The following WDR36 variants were observed in gnomAD, a reference collection of about 807,000 sequenced individuals.
WDR36 encodes WD repeat domain 36.
WDR36 carries 63 observed loss-of-function variants against 112.7 expected under a neutral mutation model. That is an observed-to-expected ratio of 0.56 (90% CI 0.46 to 0.69). The LOEUF (loss-of-function observed/expected upper bound fraction) is 0.69. Ranked by LOEUF, WDR36 falls within the 30% of genes least tolerant of loss-of-function variation. WDR36 has a pLI of 0.00. For synonymous variants in WDR36, 410 were observed against 362.2 expected (o/e 1.13, Z -1.50); for missense variants, 1,226 against 1,070.3 (o/e 1.15, Z -2.03).
intron 15 of WDR36, 39 bp from the exon 16 acceptor site, chr5:111,113,035 A>ATAT (rs1554109013): frequency 3.6e-4 from 126 of 352,668 alleles, no homozygotes; most frequent in African/African-American, 3.1e-3. Context: ...ATATATAAAT[A>ATAT]ATATATATAT....
chr5:111,111,999 A>T (rs1753350880), intron 15 of WDR36, among the ~76,000 whole-genome samples: 2 of 151,886 alleles, frequency 1.3e-5, no homozygotes, highest in African/African-American at 4.8e-5. Context: ...TCACACCAAA[A>T]ATCAGAATTT....
intron 11 of WDR36, 141 bp from the exon 12 acceptor site, chr5:111,107,153 A>G (rs973467827): frequency 2.2e-5 from 21 of 947,784 alleles, no homozygotes; most frequent in Middle Eastern, 6.6e-4. Context: ...CTCTTGTTAG[A>G]TTGGAAACAT....
intron 16 of WDR36, among the ~76,000 whole-genome samples, chr5:111,116,595 T>A (rs1298494546): frequency 1.5e-5 from 2 of 136,024 alleles, no homozygotes; most frequent in Admixed American, 1.5e-4. Flanking sequence ...TCAGAAAAAA[T>A]TGTAAGGTAC....
Position 111,092,398 on chromosome 5 carries a change from G to A in WDR36, c.-59G>A, listed in dbSNP as rs754958604. ...ACTGTTCCACTAGACACGCTGAAGG[G>A]ACTGGGTACGTGTTTTCCTTCAGGA... On this transcript the variant is annotated 5_prime_UTR_variant, in exon 1 of 23. Transcript: ENST00000513710. 1.9e-6 allele frequency: 3 copies of A among 1,614,134 alleles called. No individual in the cohort carries two copies. The African/African-American group carries it at 4.0e-5, about 22-fold the overall frequency.
chr5:111,102,612 C>T (rs1753143210), intron 6 of WDR36, among the ~76,000 whole-genome samples: 1 of 151,738 alleles, frequency 6.6e-6, no homozygotes, highest in East Asian at 1.9e-4. Flanking sequence ...GTCCTTTGTG[C>T]TTATAGTTTG....
rs781536466 is a variant in WDR36, at chr5:111,106,012, A to G, written c.1094-45A>G. ...TTTCTTTTATATACACTTTTTATTA[A>G]GAAGGATTCATAGCTATGTATGTTC... On this transcript the variant is annotated intron_variant, in intron 10 of 22. Transcript: ENST00000513710. The G allele has an allele frequency of 5.6e-6, 8 of 1,426,344 alleles. No individual in the cohort carries two copies. The South Asian group carries it at 6.9e-5, about 12-fold the overall frequency. The allele number at this position is 1,426,344 out of a possible 1,614,324, so 88.4% of individuals were successfully genotyped here.
At position 111,104,128 on chromosome 5, in the gene WDR36, T is replaced by C. The variant is rs1273517001; in HGVS notation, c.731-49T>C. The C allele has an allele frequency of 2.0e-6, 3 of 1,531,284 alleles. No individual in the cohort carries two copies. The African/African-American group carries it at 4.2e-5, about 21-fold the overall frequency. The allele number at this position is 1,531,284 out of a possible 1,614,324, so 94.9% of individuals were successfully genotyped here. A position where few individuals can be genotyped will look rare whatever the true frequency, so the allele number is the denominator to read the frequency against. On this transcript the variant is annotated intron_variant, in intron 7 of 22. Coordinates refer to ENST00000513710, the MANE Select transcript of WDR36 (RefSeq NM_139281.3). ...GAAGAGAGAAGAATTCTTGTTTATT[T>C]TGGGGGATCTAGAAGTATTTTTCTT...
In WDR36 at chr5:111,092,636, T is replaced by A. The variant is rs1397720658; in HGVS notation, c.162+18T>A. 1.9e-6 allele frequency: 3 copies of A among 1,607,820 alleles called. No homozygotes were observed. Among genetic ancestry groups the A allele is most frequent in the Admixed American group, 3.3e-5 (2 of 59,710 alleles). The stretch of plus-strand genomic sequence containing the variant: ...CCTATGACGTGAGTGACTTCTTTTG[T>A]TAGCTTCCCAGGAAAACCACCCTCC... On this transcript the variant is annotated intron_variant, in intron 1 of 22. Coordinates refer to ENST00000513710, the MANE Select transcript of WDR36 (RefSeq NM_139281.3).
At position 111,093,317 on chromosome 5, in the gene WDR36, A is replaced by G. The variant is rs912106388; in HGVS notation, c.162+699A>G. Among the ~76,000 whole-genome samples the G allele has an allele frequency of 1.9e-4, 29 of 152,368 alleles. No individual in the cohort carries two copies. In the East Asian group the frequency reaches 5.4e-3, roughly 28 times the overall value. On this transcript the variant is annotated intron_variant, in intron 1 of 22. Transcript: ENST00000513710. ...TCTTTTGTCTTCTCCGAAAGAATGT[A>G]ACCTCTGTGAGAACAGAAACCTTGA...
intron 16 of WDR36, 91 bp downstream of exon 16, chr5:111,113,244 T>A: frequency 1.4e-6 from 1 of 731,882 alleles, no homozygotes; most frequent in Non-Finnish European, 2.3e-6. Context: ...ATGGGTTATA[T>A]GCTTTTTCAA....
At chr5:111,122,831 G>A (rs1208578266) in intron 19 of WDR36, among the ~76,000 whole-genome samples, 1 of 152,152 alleles carries the variant, frequency 6.6e-6, no homozygotes, top group Non-Finnish European at 1.5e-5. Context: ...AAATGTTCCT[G>A]AGAGGTGGGG....
At chr5:111,094,760 A>G (rs1224627837) in intron 1 of WDR36, among the ~76,000 whole-genome samples, 160 bp from the exon 2 acceptor site, 2 of 152,188 alleles carry the variant, frequency 1.3e-5, no homozygotes, top group Non-Finnish European at 2.9e-5. Context: ...AGTTGAAAAT[A>G]TAAACTTTCC....
At chr5:111,122,379 T>C (rs1157975458) in intron 19 of WDR36, among the ~76,000 whole-genome samples, 1 of 152,234 alleles carries the variant, frequency 6.6e-6, no homozygotes, top group African/African-American at 2.4e-5. Flanking sequence ...ATGATAGGAA[T>C]ATGCTAAAAC....
chr5:111,125,359 A>G (rs1455909474), intron 21 of WDR36, among the ~76,000 whole-genome samples: 1 of 152,136 alleles, frequency 6.6e-6, no homozygotes, highest in East Asian at 1.9e-4. Context: ...TTCTTTATTA[A>G]CAGGAAAAAG....
intron 6 of WDR36, among the ~76,000 whole-genome samples, chr5:111,102,806 T>C (rs1420836773): frequency 2.0e-5 from 3 of 151,682 alleles, no homozygotes; most frequent in African/African-American, 7.2e-5. Context: ...AATCCTAATG[T>C]TTGATTCGAT....
At chr5:111,104,070 T>C (rs1753172644) in intron 7 of WDR36, 107 bp from the exon 8 acceptor site, 1 of 1,379,174 alleles carries the variant, frequency 7.3e-7, no homozygotes, top group Admixed American at 2.1e-5. Flanking sequence ...ATTATTGGTA[T>C]ATAGTTTTTT....
chr5:111,116,109 ATT>A (rs397974407), intron 16 of WDR36, among the ~76,000 whole-genome samples: 2 of 144,332 alleles, frequency 1.4e-5, no homozygotes. Flanking sequence ...TGCCTGGCTA[ATT>A]TTTTTTTTTT....
Position 111,119,025 on chromosome 5 carries a change from C to G in WDR36, c.1809C>G (p.Cys603Trp). 1 of 1,613,382 alleles carries G rather than the reference C, an allele frequency of 6.2e-7. No individual in the cohort carries two copies. The highest frequency in any genetic ancestry group is 8.5e-7 in the Non-Finnish European group (1 of 1,179,462). ...ATTATTTCTGTAGCCTTATAGACTG[C>G]TTTTTGTTGGACTCGGCTCCTCTCA... The part of the protein sequence containing the change: ...WDLPSGCLID[C>W]FLLDSAPLNV... The change falls in exon 17 of 23, where the codon TGC becomes TGG. Residue 603 changes from cysteine to tryptophan, a missense_variant. Transcript: ENST00000513710.
intron 6 of WDR36, among the ~76,000 whole-genome samples, chr5:111,103,319 T>C (rs1027647893): frequency 6.6e-6 from 1 of 151,758 alleles, no homozygotes; most frequent in African/African-American, 2.4e-5. Context: ...TTTTTTGCCT[T>C]TTCACATGTT....
Sources: gnomAD v4.1 joint callset for allele counts (sites outside exome capture counted in the v4.1 genomes callset) on GRCh38, gnomAD v4.1.1 for gene constraint, MANE v1.5 for transcripts, NCBI Gene and HGNC (gene_info 2026-07-23, HGNC 2026-07-21) for gene names.